SCARA3: variants seen among roughly 807,000 people sequenced by gnomAD.
SCARA3 encodes scavenger receptor class A member 3, also known as cellular stress response gene protein.
SCARA3 carries 39 observed loss-of-function variants against 47.0 expected under a neutral mutation model. The ratio of observed to expected loss-of-function variants is 0.83; its 90% CI spans 0.64 to 1.08. SCARA3 has a LOEUF of 1.08. Among genes scored for constraint, SCARA3 ranks in the 50% least tolerant of loss-of-function variants. SCARA3 has a pLI of 0.00. For synonymous variants in SCARA3, 356 were observed against 334.1 expected, an observed-to-expected ratio of 1.07 and a Z score of -0.71; for missense variants, 724 against 792.3, an observed-to-expected ratio of 0.91 and a Z score of 1.04.
At position 27,671,041 on chromosome 8, in the gene SCARA3, C is replaced by CAA. The variant is rs1802138969; in HGVS notation, c.1511_1512insAA (p.Gly505ThrfsTer40). ...GGTCCTCAGGGGCAACCTGGAGAGG[C>CAA]CGGGCCTGTGGGAGAAAGGGGCCCT... On this transcript the variant is annotated frameshift_variant, in exon 6 of 6. Coordinates refer to ENST00000301904, the MANE Select transcript of SCARA3 (RefSeq NM_016240.3). LOFTEE classifies it high-confidence loss of function. The CAA allele has an allele frequency of 7.4e-6, 12 of 1,612,460 alleles. No homozygotes were observed. In the Admixed American group the frequency reaches 2.0e-4, roughly 27 times the overall value.
chr8:27,712,550 G>A, the SCARA3 span, among the ~76,000 whole-genome samples: 5 of 116,544 alleles, frequency 4.3e-5, no homozygotes, highest in South Asian at 6.7e-4. Flanking sequence ...GTGACAGAGC[G>A]AGACTCCGTC....
rs35498729 is a variant in SCARA3, at chr8:27,653,727, G to GT, written c.226+2109dup. 6.6e-3 allele frequency among the ~76,000 whole-genome samples: 995 copies of GT among 151,146 alleles called. 15 individuals carry two copies. Among genetic ancestry groups the GT allele is most frequent in the African/African-American group, 0.023 (933 of 41,168 alleles). ...AACCAACTCTATTCATTTTAATCAA[G>GT]TTTTTTTTTCTAAATCAAGAGCATA... On this transcript the variant is annotated intron_variant, in intron 3 of 5. Transcript: ENST00000301904.
downstream of SCARA3, among the ~76,000 whole-genome samples, chr8:27,677,866 G>A (rs1411272909): frequency 3.9e-5 from 6 of 152,048 alleles, no homozygotes. Context: ...TGACCCCATG[G>A]CATTTAATTA....
the SCARA3 span, among the ~76,000 whole-genome samples, chr8:27,698,228 G>A: frequency 9.2e-5 from 14 of 152,220 alleles, no homozygotes; most frequent in East Asian, 1.7e-3. Flanking sequence ...GGAGTGGAGA[G>A]CAGCAGAAGT....
chr8:27,725,041 C>G, the SCARA3 span, among the ~76,000 whole-genome samples: 1 of 152,168 alleles, frequency 6.6e-6, no homozygotes, highest in Non-Finnish European at 1.5e-5. Context: ...TCCTAACACT[C>G]TGGGAGGCCA....
intron 5 of SCARA3, among the ~76,000 whole-genome samples, chr8:27,667,672 G>T (rs903740458): frequency 1.4e-4 from 22 of 152,122 alleles, no homozygotes; most frequent in African/African-American, 5.3e-4. Flanking sequence ...GACGAAGTTG[G>T]CAAATGTCAC....
intron 5 of SCARA3, among the ~76,000 whole-genome samples, chr8:27,666,077 C>T (rs1029920268): frequency 6.6e-6 from 1 of 152,214 alleles, no homozygotes; most frequent in African/African-American, 2.4e-5. Context: ...GACGAAAAAG[C>T]AGAGACTGTC....
downstream of SCARA3, among the ~76,000 whole-genome samples, chr8:27,677,403 G>T (rs560985215): frequency 7.9e-5 from 12 of 152,340 alleles, no homozygotes; most frequent in African/African-American, 2.9e-4. Context: ...CCCCTTGAGT[G>T]ACTGATCAGC....
rs747971456 is a variant in SCARA3 at position 27,651,520 on chromosome 8, C to G, written c.119C>G (p.Pro40Arg). Reference sequence around the variant, plus strand: ...GTGTCCCCCACAGGCCGGCCAGGGCCCCGCTGCAGCCGCTGCCAGAAGAAC... The same window carrying G: ...GTGTCCCCCACAGGCCGGCCAGGGCGCCGCTGCAGCCGCTGCCAGAAGAAC... ...FPCTQKGRPG[P>R]RCSRCQKNLS... Residue 40 changes from proline (P) to arginine (R), a missense_variant, in exon 3 of 6, where the codon CCC (proline) becomes CGC (arginine). By Grantham distance (103) the Pro-to-Arg change is moderately radical. Transcript: ENST00000301904. The G allele has an allele frequency of 1.2e-6, 2 of 1,612,724 alleles. No homozygotes were observed. The highest frequency in any genetic ancestry group is 1.1e-5 in the South Asian group (1 of 91,042).
Position 27,671,786 on chromosome 8 carries a change from C to T in SCARA3, c.*435C>T. ...CATGTACGCACACACACATGCACTGCACACATATCCATGCACACAAACACA... is the reference window on the plus strand; with the variant it reads ...CATGTACGCACACACACATGCACTGTACACATATCCATGCACACAAACACA... On this transcript the variant is annotated 3_prime_UTR_variant, in exon 6 of 6. Coordinates refer to ENST00000301904, the MANE Select transcript of SCARA3 (RefSeq NM_016240.3). 5 of 992,970 alleles carry T rather than the reference C, an allele frequency of 5.0e-6. No individual in the cohort carries two copies. The highest frequency in any genetic ancestry group is 6.0e-6 in the Non-Finnish European group (5 of 835,146). The allele number at this position is 992,970 out of a possible 1,614,324, so 61.5% of individuals were successfully genotyped here.
chr8:27,634,643 G>T (rs1293785143), intron 1 of SCARA3, among the ~76,000 whole-genome samples: 1 of 151,976 alleles, frequency 6.6e-6, no homozygotes, highest in Non-Finnish European at 1.5e-5. Context: ...TCTCCCCCAG[G>T]ACCTCCAGCC....
At chr8:27,700,838 C>G in the SCARA3 span, among the ~76,000 whole-genome samples, 1 of 152,172 alleles carries the variant, frequency 6.6e-6, no homozygotes, top group African/African-American at 2.4e-5. Flanking sequence ...AATGGTGAAA[C>G]TGTGAAGTGG....
chr8:27,642,780 C>A (rs541162626), intron 1 of SCARA3, among the ~76,000 whole-genome samples: 1 of 152,236 alleles, frequency 6.6e-6, no homozygotes, highest in East Asian at 1.9e-4. Context: ...GCCATGATCG[C>A]ACCACAGCAC....
the SCARA3 span, among the ~76,000 whole-genome samples, chr8:27,733,120 G>A: frequency 3.3e-5 from 5 of 152,106 alleles, no homozygotes; most frequent in Admixed American, 3.3e-4. Context: ...CCTCCTCCTG[G>A]AATTCTTGGG....
chr8:27,726,577 G>C, the SCARA3 span, among the ~76,000 whole-genome samples: 438 of 152,120 alleles, frequency 2.9e-3, 7 homozygotes, highest in African/African-American at 0.01. Flanking sequence ...GCGGGCGCCT[G>C]TAATCCCAGC....
At chr8:27,639,805 T>C (rs1420591059) in intron 1 of SCARA3, among the ~76,000 whole-genome samples, 1 of 152,120 alleles carries the variant, frequency 6.6e-6, no homozygotes, top group Non-Finnish European at 1.5e-5. Flanking sequence ...GGTAATGTCA[T>C]GGAAATTGAG....
the SCARA3 span, among the ~76,000 whole-genome samples, chr8:27,731,209 C>T: frequency 4.0e-5 from 6 of 151,246 alleles, no homozygotes; most frequent in South Asian, 1.0e-3. Context: ...AAGCAATCCT[C>T]CTGCCTTGGC....
In SCARA3 at chr8:27,658,585, A is replaced by G; in HGVS notation, c.415A>G (p.Ile139Val). The G allele has an allele frequency of 6.2e-7, 1 of 1,614,180 alleles. No individual in the cohort carries two copies. The highest frequency in any genetic ancestry group is 8.5e-7 in the Non-Finnish European group (1 of 1,180,032). The change falls in exon 5 of 6, where the codon ATT (isoleucine) becomes GTT (valine). Residue 139 changes from isoleucine (I) to valine (V), a missense_variant. Physicochemically the swap from Ile to Val is conservative, Grantham distance 29 (BLOSUM62 3). Coordinates refer to ENST00000301904, the MANE Select transcript of SCARA3 (RefSeq NM_016240.3). ...AAAACTGCAGGAGGAGCTGGAGGGA[A>G]TTCAGAAGCTGCTTCTGGCCCAGGA... The part of the protein sequence containing the change: ...IRKLQEELEG[I>V]QKLLLAQEVQ...
the SCARA3 span, among the ~76,000 whole-genome samples, chr8:27,697,829 G>T: frequency 6.6e-6 from 1 of 152,046 alleles, no homozygotes; most frequent in African/African-American, 2.4e-5. Context: ...ACGTGCCTTT[G>T]CTACTCGTTT....
Sources: allele counts gnomAD v4.1 joint callset (sites outside exome capture counted in the v4.1 genomes callset), GRCh38; gene constraint gnomAD v4.1.1; transcripts MANE v1.5; gene names NCBI Gene and HGNC (gene_info 2026-07-23, HGNC 2026-07-21).